SHISA9: variants seen among roughly 807,000 people sequenced by gnomAD.
The protein encoded by SHISA9 is protein shisa-9.
Under a neutral mutation model 38.0 loss-of-function variants are expected in SHISA9, and 13 were observed. The ratio of observed to expected loss-of-function variants is 0.34; its 90% CI spans 0.22 to 0.54. The LOEUF (loss-of-function observed/expected upper bound fraction) is 0.54, where lower values mean the gene tolerates loss of function less well. SHISA9 is among the 20% of genes least tolerant of loss of function. The pLI is 0.91. For synonymous variants in SHISA9, 275 were observed against 242.0 expected (o/e 1.14, Z -1.27); for missense variants, 538 against 575.8 (o/e 0.93, Z 0.67).
At chr16:13,336,511 A>G in the SHISA9 span, among the ~76,000 whole-genome samples, 1 of 152,228 alleles carries the variant, frequency 6.6e-6, no homozygotes, top group Non-Finnish European at 1.5e-5. Flanking sequence ...TCCCTTGTAG[A>G]AAGCACGTAG....
intron 2 of SHISA9, among the ~76,000 whole-genome samples, chr16:13,031,111 G>A (rs563324460): frequency 3.9e-5 from 6 of 152,280 alleles, no homozygotes; most frequent in East Asian, 1.9e-4. Flanking sequence ...ACCAGGTCCC[G>A]CGGGGCACTG....
chr16:13,365,928 G>A, the SHISA9 span, among the ~76,000 whole-genome samples: 1 of 152,148 alleles, frequency 6.6e-6, no homozygotes, highest in Non-Finnish European at 1.5e-5. Context: ...GGACAAGAAT[G>A]GAATGATTCT....
chr16:13,507,369 C>T, the SHISA9 span, among the ~76,000 whole-genome samples: 1 of 151,892 alleles, frequency 6.6e-6, no homozygotes, highest in South Asian at 2.1e-4. Flanking sequence ...AGATATCTGC[C>T]CTGTAGAATT....
the SHISA9 span, among the ~76,000 whole-genome samples, chr16:13,500,839 C>T: frequency 6.6e-6 from 1 of 152,066 alleles, no homozygotes; most frequent in Non-Finnish European, 1.5e-5. Context: ...TAAGAAGCAC[C>T]AAGACATATG....
At chr16:13,217,587 T>G (rs1348846103) in intron 4 of SHISA9, among the ~76,000 whole-genome samples, 1 of 152,170 alleles carries the variant, frequency 6.6e-6, no homozygotes, top group Non-Finnish European at 1.5e-5. Flanking sequence ...AATCAGAGAA[T>G]GTACTCTCTG....
chr16:13,382,646 G>T, the SHISA9 span, among the ~76,000 whole-genome samples: 1 of 151,978 alleles, frequency 6.6e-6, no homozygotes, highest in Non-Finnish European at 1.5e-5. Flanking sequence ...ATCACTTGAG[G>T]TCAGGAGTTT....
intron 2 of SHISA9, among the ~76,000 whole-genome samples, chr16:13,082,115 A>G (rs905659056): frequency 3.3e-5 from 5 of 152,250 alleles, no homozygotes; most frequent in Non-Finnish European, 5.9e-5. Context: ...AAATAAAAGG[A>G]CAGTGAAGCT....
At chr16:13,385,310 T>A in the SHISA9 span, among the ~76,000 whole-genome samples, 1 of 152,204 alleles carries the variant, frequency 6.6e-6, no homozygotes, top group African/African-American at 2.4e-5. Context: ...GCCAGAGAAA[T>A]TGAAATGGAC....
At chr16:13,382,797 G>A in the SHISA9 span, among the ~76,000 whole-genome samples, 1 of 152,254 alleles carries the variant, frequency 6.6e-6, no homozygotes, top group East Asian at 1.9e-4. Context: ...GGCAGAAGCT[G>A]CAGTGAGCCG....
the SHISA9 span, among the ~76,000 whole-genome samples, chr16:13,477,713 C>T: frequency 6.6e-6 from 1 of 152,166 alleles, no homozygotes; most frequent in Admixed American, 6.5e-5. Context: ...GCCTGTAATC[C>T]CAGCATTTTG....
intron 2 of SHISA9, among the ~76,000 whole-genome samples, chr16:13,062,590 G>A (rs532704410): frequency 1.3e-5 from 2 of 152,210 alleles, no homozygotes; most frequent in South Asian, 4.2e-4. Context: ...TTGAGGGTGT[G>A]AGTTATCATG....
chr16:13,053,483 G>A (rs1268934327), intron 2 of SHISA9, among the ~76,000 whole-genome samples: 1 of 152,198 alleles, frequency 6.6e-6, no homozygotes, highest in Non-Finnish European at 1.5e-5. Flanking sequence ...CAGTCCAACT[G>A]TTCTCTTAAA....
chr16:13,490,109 TG>T, the SHISA9 span, among the ~76,000 whole-genome samples: 1 of 151,778 alleles, frequency 6.6e-6, no homozygotes, highest in Non-Finnish European at 1.5e-5. Flanking sequence ...AGGGCATCCC[TG>T]GGAGATGTTT....
intron 2 of SHISA9, among the ~76,000 whole-genome samples, chr16:12,921,625 A>AT (rs1479181512): frequency 6.6e-6 from 1 of 152,078 alleles, no homozygotes; most frequent in African/African-American, 2.4e-5. Flanking sequence ...TTGAAAAGTA[A>AT]TTGGGCATGG....
intron 2 of SHISA9, among the ~76,000 whole-genome samples, chr16:13,008,021 C>A (rs1290508962): frequency 6.6e-6 from 1 of 152,198 alleles, no homozygotes; most frequent in Non-Finnish European, 1.5e-5. Context: ...CTGTGACTCT[C>A]TTCCTGACGG....
intron 2 of SHISA9, among the ~76,000 whole-genome samples, chr16:12,963,343 G>A (rs7192708): frequency 0.19 from 29,312 of 152,124 alleles, 3,478 homozygotes; most frequent in Middle Eastern, 0.36. Flanking sequence ...AAAAGCTGGG[G>A]GCTGGAGACC....
At chr16:13,179,659 G>A (rs917595455) in intron 2 of SHISA9, among the ~76,000 whole-genome samples, 2 of 152,164 alleles carry the variant, frequency 1.3e-5, no homozygotes, top group African/African-American at 4.8e-5. Flanking sequence ...ATGACAGTGG[G>A]GCTGTGGGAA....
the SHISA9 span, among the ~76,000 whole-genome samples, chr16:13,543,377 C>A: frequency 2.0e-5 from 3 of 152,108 alleles, no homozygotes; most frequent in Non-Finnish European, 4.4e-5. Flanking sequence ...AGACCTTGAA[C>A]AAATATTTGA....
intron 4 of SHISA9, among the ~76,000 whole-genome samples, chr16:13,218,830 G>C (rs1006344200): frequency 3.9e-5 from 6 of 152,208 alleles, no homozygotes; most frequent in Non-Finnish European, 7.3e-5. Flanking sequence ...ATGTGCAATA[G>C]GGTTACAGTT....
Sources: allele counts gnomAD v4.1 joint callset (sites outside exome capture counted in the v4.1 genomes callset), GRCh38; gene constraint gnomAD v4.1.1; transcripts MANE v1.5; gene names NCBI Gene and HGNC (gene_info 2026-07-23, HGNC 2026-07-21).